Variants in ARID3A observed in about 807,000 individuals in gnomAD.
ARID3A encodes the protein AT-rich interactive domain-containing protein 3A.
A neutral mutation model predicts 52.7 loss-of-function variants in ARID3A; 11 were observed. The observed-to-expected ratio is 0.21, with a 90% CI of 0.13 to 0.35. The LOEUF (loss-of-function observed/expected upper bound fraction) is 0.35. Ranked by LOEUF, ARID3A falls within the 10% of genes least tolerant of loss-of-function variation. The pLI is 1.00. For synonymous variants in ARID3A, 404 were observed against 359.4 expected (o/e 1.12, Z -1.40); for missense variants, 721 against 838.5 (o/e 0.86, Z 1.73).
intron 4 of ARID3A, among the ~76,000 whole-genome samples, chr19:963,158 G>A (rs765236514): frequency 1.3e-5 from 2 of 152,168 alleles, no homozygotes; most frequent in South Asian, 2.1e-4. Context: ...GGCTGCACCC[G>A]CTCTCCAGCC....
In ARID3A at chr19:972,263, A is replaced by C. The variant is rs1395601885; in HGVS notation, c.*198A>C. The C allele has an allele frequency of 8.2e-6, 2 of 242,974 alleles. No homozygotes were observed. Among genetic ancestry groups the C allele is most frequent in the Non-Finnish European group, 1.6e-5 (2 of 127,946 alleles). The allele number at this position is 242,974 out of a possible 1,614,324, so 15.1% of individuals were successfully genotyped here. ...TATATATATACACGTATATATATAA[A>C]GAGAATTTAATAAAACAGGGGAAAA... On this transcript the variant is annotated 3_prime_UTR_variant, in exon 9 of 9. Transcript: ENST00000263620.
chr19:947,718 A>C lies in ARID3A; in HGVS notation c.694-12374A>C, dbSNP rs987898012. Among the ~76,000 whole-genome samples the C allele has an allele frequency of 6.6e-6, 1 of 152,134 alleles. No individual in the cohort carries two copies. The highest frequency in any genetic ancestry group is 2.4e-5 in the African/African-American group (1 of 41,432). On this transcript the variant is annotated intron_variant, in intron 3 of 8. Transcript: ENST00000263620. The surrounding 1 kb of genome is among the most constrained non-coding windows in gnomAD (Gnocchi z 6.3). ...ACGCCAGCTTCCCGGGCCGCGCTTC[A>C]TTGTCATTTCTGGAGAGTGTTATTA...
At position 972,801 on chromosome 19, in the gene ARID3A, CAAAAAAAAAAAAA is replaced by C. The variant is rs57620894; in HGVS notation, c.*754_*766del. 38 of 75,936 alleles carry C rather than the reference CAAAAAAAAAAAAA, an allele frequency of 5.0e-4. No homozygotes were observed. The highest frequency in any genetic ancestry group is 8.4e-4 in the African/African-American group (14 of 16,668). The allele number at this position is 75,936 out of a possible 1,614,324, so 4.7% of individuals were successfully genotyped here. ...GTCTTGAAAAAGCAAGAAAAAAAAG[CAAAAAAAAAAAAA>C]AAAAAAAAAAAAAAAAACTCACCTT... On this transcript the variant is annotated 3_prime_UTR_variant, in exon 9 of 9. Transcript: ENST00000263620.
At chr19:955,494 A>G (rs2037898574) in intron 3 of ARID3A, among the ~76,000 whole-genome samples, 2 of 152,086 alleles carry the variant, frequency 1.3e-5, no homozygotes, top group Non-Finnish European at 2.9e-5. Flanking sequence ...CCTGGGAGTT[A>G]ATGGCTCCCC....
At position 964,081 on chromosome 19, in the gene ARID3A, G is replaced by A. The variant is rs1242597639; in HGVS notation, c.767-167G>A. On this transcript the variant is annotated intron_variant, in intron 4 of 8. Coordinates refer to ENST00000263620, the MANE Select transcript of ARID3A (RefSeq NM_005224.3). The surrounding 1 kb of genome is among the most constrained non-coding windows in gnomAD (Gnocchi z 5.7). ...CCTCTCGAGCAGAGGTTCCCAGCCT[G>A]GATGATCCTGCACCCACAGAGGGCC... Among the ~76,000 whole-genome samples, 1 of 152,202 alleles carries A rather than the reference G, an allele frequency of 6.6e-6. No individual in the cohort carries two copies. The highest frequency in any genetic ancestry group is 1.5e-5 in the Non-Finnish European group (1 of 68,022).
rs2037270465 is a variant in ARID3A at position 929,481 on chromosome 19, C to T, written c.-48C>T. On this transcript the variant is annotated 5_prime_UTR_variant, in exon 2 of 9. Transcript: ENST00000263620. The surrounding 1 kb of genome is among the most constrained non-coding windows in gnomAD (Gnocchi z 6.2). The stretch of plus-strand genomic sequence containing the variant: ...GCCCCCGCCGCCCACCCCTAGCGCC[C>T]GTGGTGGTGGTGGTGGTGGTGGTGG... 10 of 1,392,710 alleles carry T rather than the reference C, an allele frequency of 7.2e-6. No homozygotes were observed. Among genetic ancestry groups the T allele is most frequent in the African/African-American group, 3.0e-5 (2 of 65,988 alleles). 86.3% of individuals were successfully genotyped at this position (1,392,710 alleles called of 1,614,324 possible).
chr19:943,194 G>A (rs919298122), intron 3 of ARID3A, among the ~76,000 whole-genome samples: 24 of 151,312 alleles, frequency 1.6e-4, no homozygotes, highest in African/African-American at 5.8e-4. Context: ...CCAGGAAGTC[G>A]AGGCTGTAGT....
rs2037569082 is a variant in ARID3A, at chr19:942,118, G to A, written c.693+9376G>A. On this transcript the variant is annotated intron_variant, in intron 3 of 8. Transcript: ENST00000263620. The surrounding 1 kb of genome is among the most constrained non-coding windows in gnomAD (Gnocchi z 8.1). ...CATGGGCTCTGGAGCCAGCCTAGCC[G>A]ATGATGGAGCCCCAGTGGCCACCGA... is the stretch of plus-strand genomic sequence containing the variant. Among the ~76,000 whole-genome samples, 3 of 152,260 alleles carry A rather than the reference G, an allele frequency of 2.0e-5. No individual in the cohort carries two copies. Among genetic ancestry groups the A allele is most frequent in the South Asian group, 2.1e-4 (1 of 4,822 alleles).
In ARID3A at chr19:938,749, C is replaced by T. The variant is rs1051620158; in HGVS notation, c.693+6007C>T. 2.6e-5 allele frequency among the ~76,000 whole-genome samples: 4 copies of T among 152,120 alleles called. No individual in the cohort carries two copies. The highest frequency in any genetic ancestry group is 1.9e-4 in the East Asian group (1 of 5,186). ...CTCAGGCTCAAGGCCAGACACACCT[C>T]GCTGGGCCCAGCCCCAGAGACCGCT... On this transcript the variant is annotated intron_variant, in intron 3 of 8. Transcript: ENST00000263620. This position sits in a 1 kb window ranked among gnomAD's most constrained non-coding sequence, Gnocchi z 4.0.
chr19:972,230 T>A lies in ARID3A; in HGVS notation c.*165T>A. 4.7e-6 allele frequency: 1 copy of A among 213,544 alleles called. No individual in the cohort carries two copies. Among genetic ancestry groups the A allele is most frequent in the South Asian group, 1.9e-4 (1 of 5,390 alleles). The allele number at this position is 213,544 out of a possible 1,614,324, so 13.2% of individuals were successfully genotyped here. A position where few individuals can be genotyped will look rare whatever the true frequency, so the allele number is the denominator to read the frequency against. On this transcript the variant is annotated 3_prime_UTR_variant, in exon 9 of 9. Coordinates refer to ENST00000263620, the MANE Select transcript of ARID3A (RefSeq NM_005224.3). ...AAAAAGAAAAGAAAAAAGATATATATATATATATATATATATACACGTATA... is the reference window on the plus strand; with the variant it reads ...AAAAAGAAAAGAAAAAAGATATATAAATATATATATATATATACACGTATA...
chr19:942,260 C>T lies in ARID3A; in HGVS notation c.693+9518C>T, dbSNP rs1385984411. On this transcript the variant is annotated intron_variant, in intron 3 of 8. Transcript: ENST00000263620. The surrounding 1 kb of genome is among the most constrained non-coding windows in gnomAD (Gnocchi z 8.1). ...CTGCTGGACACAAAGGGCTGAAGTC[C>T]AGGTCCCTTCGATGGCCCAAATTAC... is the stretch of plus-strand genomic sequence containing the variant. Among the ~76,000 whole-genome samples the T allele has an allele frequency of 6.6e-6, 1 of 152,218 alleles. No individual in the cohort carries two copies. The highest frequency in any genetic ancestry group is 1.9e-4 in the East Asian group (1 of 5,192).
chr19:943,098 T>G (rs1360122249), intron 3 of ARID3A, among the ~76,000 whole-genome samples: 1 of 151,674 alleles, frequency 6.6e-6, no homozygotes, highest in African/African-American at 2.4e-5. Flanking sequence ...GTGAGACCCC[T>G]GTCTCTACAC....
At chr19:961,602 C>T (rs898429660) in intron 4 of ARID3A, among the ~76,000 whole-genome samples, 1 of 152,206 alleles carries the variant, frequency 6.6e-6, no homozygotes, top group African/African-American at 2.4e-5. Context: ...GGTACAGTGC[C>T]TGGTGTCCTG....
At chr19:946,796 T>G (rs28446062) in intron 3 of ARID3A, among the ~76,000 whole-genome samples, 99 of 150,142 alleles carry the variant, frequency 6.6e-4, no homozygotes, top group African/African-American at 2.0e-3. Flanking sequence ...GTTTGTTTGT[T>G]TGTGTGTGTG....
chr19:958,033 G>A (rs1444890324), intron 3 of ARID3A: 1 of 151,682 alleles, frequency 6.6e-6, no homozygotes, highest in Non-Finnish European at 1.5e-5. Flanking sequence ...AATTGCTTGA[G>A]CCCCGGAGAC....
Position 938,929 on chromosome 19 carries a change from TC to T in ARID3A, c.693+6188del, listed in dbSNP as rs568585829. On this transcript the variant is annotated intron_variant, in intron 3 of 8. Coordinates refer to ENST00000263620, the MANE Select transcript of ARID3A (RefSeq NM_005224.3). This position sits in a 1 kb window ranked among gnomAD's most constrained non-coding sequence, Gnocchi z 4.0. ...ACACATAGATACATTATTTTATCTC[TC>T]TTTTTTTTTTTTTTTTTTGAGACGG... Among the ~76,000 whole-genome samples the T allele has an allele frequency of 4.7e-4, 66 of 140,766 alleles. No individual in the cohort carries two copies. Among genetic ancestry groups the T allele is most frequent in the African/African-American group, 1.8e-3 (65 of 35,784 alleles). 92.3% of individuals were successfully genotyped at this position (140,766 alleles called of 152,430 possible).
At chr19:966,498 T>C (rs1599426447) in intron 6 of ARID3A, 74 bp from the exon 7 acceptor site, 10 of 1,208,938 alleles carry the variant, frequency 8.3e-6, no homozygotes, top group Non-Finnish European at 1.1e-5. Context: ...AAAAAGAAGG[T>C]GCATGTTCCT....
intron 7 of ARID3A, 43 bp downstream of exon 7, chr19:966,911 T>C: frequency 6.4e-7 from 1 of 1,556,170 alleles, no homozygotes; most frequent in South Asian, 1.2e-5. Context: ...CCTGCGTGTG[T>C]CACACAGTGA....
At chr19:931,837 C>A (rs936608983) in intron 2 of ARID3A, among the ~76,000 whole-genome samples, 3 of 146,630 alleles carry the variant, frequency 2.0e-5, no homozygotes, top group East Asian at 2.1e-4. Flanking sequence ...AAAAAAAAAA[C>A]GGCTGCCAAG....
Sources: gnomAD v4.1 joint callset for allele counts (sites outside exome capture counted in the v4.1 genomes callset) on GRCh38, gnomAD v4.1.1 for gene constraint, Gnocchi (gnomAD v3.1) non-coding constraint, MANE v1.5 for transcripts, NCBI Gene and HGNC (gene_info 2026-07-23, HGNC 2026-07-21) for gene names.